The following KCNMB3 variants were observed in gnomAD, a reference collection of about 807,000 sequenced individuals.
KCNMB3 encodes the protein potassium calcium-activated channel subfamily M regulatory beta subunit 3, also known as calcium-activated potassium channel subunit beta-3.
In KCNMB3, 18 loss-of-function variants were observed where a neutral mutation model predicts 11.9. That is an observed-to-expected ratio of 1.51 (90% CI 1.04 to 2.23). The LOEUF is 2.23. Ranked by LOEUF, KCNMB3 falls within the 30% of genes most tolerant of loss-of-function variation. The pLI is 0.00. For missense variants in KCNMB3, 247 were observed against 329.4 expected, an observed-to-expected ratio of 0.75 and a Z score of 1.94; for synonymous variants, 78 against 119.2, an observed-to-expected ratio of 0.65 and a Z score of 2.25.
intron 1 of KCNMB3, chr3:179,259,750 A>G (rs756901641): frequency 2.3e-5 from 36 of 1,598,988 alleles, no homozygotes; most frequent in Non-Finnish European, 2.8e-5. Flanking sequence ...CTCTTCTGCA[A>G]TGAGTCCAAT....
chr3:179,261,513 G>A (rs1161750820), intron 1 of KCNMB3, among the ~76,000 whole-genome samples: 1 of 151,926 alleles, frequency 6.6e-6, no homozygotes, highest in African/African-American at 2.4e-5. Flanking sequence ...GAGCCTGGCC[G>A]GGGGTGGAAT....
upstream of KCNMB3, chr3:179,251,670 G>A: frequency 8.1e-7 from 1 of 1,231,810 alleles, no homozygotes; most frequent in Non-Finnish European, 1.0e-6. Context: ...GGTGGGCATG[G>A]CGGCATCCAG....
chr3:179,250,524 G>A (rs1725799477), intron 1 of KCNMB3, among the ~76,000 whole-genome samples: 1 of 152,132 alleles, frequency 6.6e-6, no homozygotes, highest in Admixed American at 6.5e-5. Flanking sequence ...GAGATGGGAG[G>A]AGGCAGTGCA....
chr3:179,262,848 C>T (rs541581651), intron 1 of KCNMB3, among the ~76,000 whole-genome samples: 1 of 152,268 alleles, frequency 6.6e-6, no homozygotes, highest in Admixed American at 6.5e-5. Context: ...ATTCACAAAC[C>T]CTGAGCTAGA....
chr3:179,263,981 T>C (rs774554479), intron 1 of KCNMB3, among the ~76,000 whole-genome samples: 2 of 151,836 alleles, frequency 1.3e-5, no homozygotes, highest in Non-Finnish European at 2.9e-5. Flanking sequence ...AATTTTTTTG[T>C]TTTTAGTAGA....
chr3:179,259,650 T>C, intron 1 of KCNMB3: 1 of 1,609,248 alleles, frequency 6.2e-7, no homozygotes, highest in Non-Finnish European at 8.5e-7. Context: ...TAAATCTGTG[T>C]TCTGATAAGT....
At chr3:179,255,778 C>A (rs1725992888), upstream of KCNMB3, among the ~76,000 whole-genome samples, 1 of 152,136 alleles carries the variant, frequency 6.6e-6, no homozygotes, top group Non-Finnish European at 1.5e-5. Context: ...TATTGCACAG[C>A]TACAAAGACA....
chr3:179,262,688 T>C (rs149253378), intron 1 of KCNMB3, among the ~76,000 whole-genome samples: 1 of 152,184 alleles, frequency 6.6e-6, no homozygotes, highest in Admixed American at 6.5e-5. Flanking sequence ...AATTGGCCCA[T>C]TTTGACAGGG....
chr3:179,250,600 G>A (rs1006413032), intron 1 of KCNMB3, 143 bp downstream of exon 1: 8 of 853,564 alleles, frequency 9.4e-6, no homozygotes, highest in East Asian at 5.0e-5. Flanking sequence ...CACTGACAGC[G>A]GAAGAGGAAT....
At chr3:179,248,806 A>T (rs1295310223) in intron 1 of KCNMB3, among the ~76,000 whole-genome samples, 1 of 151,966 alleles carries the variant, frequency 6.6e-6, no homozygotes, top group East Asian at 1.9e-4. Flanking sequence ...TGATTAAGAC[A>T]TATTTTGTAT....
chr3:179,240,718 A>G (rs141111830), downstream of KCNMB3: 63 of 152,338 alleles, frequency 4.1e-4, no homozygotes, highest in Middle Eastern at 3.4e-3. Context: ...GCTCCTATCT[A>G]AATGGAAAAC....
At chr3:179,246,336 C>T (rs552018066) in intron 1 of KCNMB3, among the ~76,000 whole-genome samples, 8 of 152,072 alleles carry the variant, frequency 5.3e-5, no homozygotes, top group East Asian at 1.9e-4. Flanking sequence ...TGCTTAAACC[C>T]GGGAGGCAGA....
chr3:179,251,314 A>T, upstream of KCNMB3: 2 of 1,443,500 alleles, frequency 1.4e-6, no homozygotes, highest in South Asian at 1.5e-5. Context: ...TTTGAATTCC[A>T]CATGGAAAGA....
upstream of KCNMB3, among the ~76,000 whole-genome samples, chr3:179,253,844 A>T (rs183912934): frequency 9.1e-4 from 138 of 152,212 alleles, no homozygotes; most frequent in African/African-American, 2.8e-3. Context: ...AAATTTTTTT[A>T]AAAAGCCCAC....
At chr3:179,245,687 G>C (rs1471877791) in intron 1 of KCNMB3, among the ~76,000 whole-genome samples, 12 of 152,128 alleles carry the variant, frequency 7.9e-5, no homozygotes, top group Admixed American at 7.9e-4. Context: ...TTTTAGTAGA[G>C]ATGGGGTTTC....
chr3:179,252,028 T>C (rs1370659996), upstream of KCNMB3, among the ~76,000 whole-genome samples: 1 of 152,108 alleles, frequency 6.6e-6, no homozygotes, highest in Non-Finnish European at 1.5e-5. Flanking sequence ...CCTGGTTTAT[T>C]ATTATTTTTT....
intron 1 of KCNMB3, among the ~76,000 whole-genome samples, chr3:179,249,700 A>C (rs1032630150): frequency 2.6e-5 from 4 of 152,218 alleles, no homozygotes; most frequent in African/African-American, 9.6e-5. Flanking sequence ...GAAAATCATA[A>C]GGAAGAACAA....
At chr3:179,259,906 G>A (rs2108455757) in intron 1 of KCNMB3, 2 of 1,613,518 alleles carry the variant, frequency 1.2e-6, no homozygotes, top group Non-Finnish European at 1.7e-6. Flanking sequence ...GTCTTGATTG[G>A]TTTCTCATCC....
chr3:179,247,325 C>T (rs186962933), intron 1 of KCNMB3, among the ~76,000 whole-genome samples: 97 of 150,604 alleles, frequency 6.4e-4, no homozygotes, highest in African/African-American at 2.1e-3. Flanking sequence ...AATCAAATTA[C>T]ATAGACATGT....
Sources: gnomAD v4.1 joint callset for allele counts (sites outside exome capture counted in the v4.1 genomes callset) on GRCh38, gnomAD v4.1.1 for gene constraint, MANE v1.5 for transcripts, NCBI Gene and HGNC (gene_info 2026-07-23, HGNC 2026-07-21) for gene names.